MAP4K5: variants seen among roughly 807,000 people sequenced by gnomAD.
MAP4K5 encodes the protein mitogen-activated protein kinase kinase kinase kinase 5.
Under a neutral mutation model 135.6 loss-of-function variants are expected in MAP4K5, and 82 were observed. That is an observed-to-expected ratio of 0.60 (90% CI 0.51 to 0.73). The LOEUF (loss-of-function observed/expected upper bound fraction) is 0.73. MAP4K5 is among the 30% of genes least tolerant of loss of function. MAP4K5 has a pLI of 0.00. For synonymous variants in MAP4K5, 347 were observed against 335.0 expected, an observed-to-expected ratio of 1.04 and a Z score of -0.39; for missense variants, 907 against 1,010.9, an observed-to-expected ratio of 0.90 and a Z score of 1.39.
intron 28 of MAP4K5, among the ~76,000 whole-genome samples, chr14:50,430,660 C>T (rs1470182160): frequency 6.6e-6 from 1 of 152,094 alleles, no homozygotes; most frequent in African/African-American, 2.4e-5. Flanking sequence ...ATATGTTTTT[C>T]TATGAAAATA....
At chr14:50,558,668 A>G (rs1191839647) in intron 1 of MAP4K5, among the ~76,000 whole-genome samples, 2 of 152,276 alleles carry the variant, frequency 1.3e-5, no homozygotes, top group African/African-American at 4.8e-5. Flanking sequence ...TGTGTAATCT[A>G]TTGTACTCTT....
chr14:50,486,418 G>T (rs1236648582), intron 3 of MAP4K5, among the ~76,000 whole-genome samples: 2 of 151,786 alleles, frequency 1.3e-5, no homozygotes, highest in Non-Finnish European at 2.9e-5. Context: ...TTCTTAAGGA[G>T]ATATGTACAA....
intron 14 of MAP4K5, among the ~76,000 whole-genome samples, chr14:50,453,286 G>GA (rs1020397638): frequency 3.5e-5 from 5 of 144,406 alleles, no homozygotes; most frequent in South Asian, 4.5e-4. Flanking sequence ...AAAAAAAAAA[G>GA]AAAAAAAATT....
Position 50,443,667 on chromosome 14 carries a change from A to G in MAP4K5, c.1479+62T>C, listed in dbSNP as rs375489146. The G allele has an allele frequency of 5.3e-5, 73 of 1,380,538 alleles. No individual in the cohort carries two copies. In the African/African-American group the frequency reaches 6.0e-4, roughly 11 times the overall value. The allele number at this position is 1,380,538 out of a possible 1,614,324, so 85.5% of individuals were successfully genotyped here. A position where few individuals can be genotyped will look rare whatever the true frequency, so the allele number is the denominator to read the frequency against. The stretch of plus-strand genomic sequence containing the variant: ...AAAGGCTCAAGTATATTGATAGCCA[A>G]TATATTGCTGCTTCTAAAGAGAGAA... On this transcript the variant is annotated intron_variant, in intron 20 of 32. Coordinates refer to ENST00000682126, the MANE Select transcript of MAP4K5 (RefSeq NM_006575.6).
At chr14:50,542,867 C>T (rs2038583680) in intron 1 of MAP4K5, among the ~76,000 whole-genome samples, 1 of 152,146 alleles carries the variant, frequency 6.6e-6, no homozygotes, top group African/African-American at 2.4e-5. Context: ...ATCTGGTTGT[C>T]CTCTTTTTTA....
chr14:50,489,438 CCTTAT>C (rs1436193316), intron 3 of MAP4K5, among the ~76,000 whole-genome samples: 1 of 152,086 alleles, frequency 6.6e-6, no homozygotes, highest in East Asian at 1.9e-4. Flanking sequence ...CCACAGAGCC[CCTTAT>C]CTTATCTTCA....
At chr14:50,507,597 C>T (rs1056790688) in intron 2 of MAP4K5, among the ~76,000 whole-genome samples, 1 of 152,164 alleles carries the variant, frequency 6.6e-6, no homozygotes, top group Admixed American at 6.5e-5. Flanking sequence ...GCCTTCATTT[C>T]GTTATGTACC....
chr14:50,449,729 T>C (rs1349410989), intron 14 of MAP4K5: 1 of 151,988 alleles, frequency 6.6e-6, no homozygotes, highest in Non-Finnish European at 1.5e-5. Flanking sequence ...TAAAAAATAA[T>C]CTAAAATAAA....
chr14:50,446,170 C>T (rs371812711), intron 16 of MAP4K5, 49 bp from the exon 17 acceptor site: 6 of 1,149,938 alleles, frequency 5.2e-6, no homozygotes, highest in Middle Eastern at 2.2e-4. Context: ...TGACCGTAAC[C>T]GAAAACACAG....
At chr14:50,424,729 G>C (rs67225512) in intron 31 of MAP4K5, among the ~76,000 whole-genome samples, 2 of 25,478 alleles carry the variant, frequency 7.8e-5, no homozygotes, top group Non-Finnish European at 1.7e-4. Flanking sequence ...AAAAAAAAAA[G>C]AGTTAAAAAT....
chr14:50,536,456 AAT>A (rs2038494479), upstream of MAP4K5, among the ~76,000 whole-genome samples: 1 of 148,552 alleles, frequency 6.7e-6, no homozygotes, highest in African/African-American at 2.6e-5. Context: ...AAAAAAAAAA[AAT>A]TGTTACCAGT....
chr14:50,543,841 A>C (rs2038595726), intron 1 of MAP4K5, among the ~76,000 whole-genome samples: 1 of 152,118 alleles, frequency 6.6e-6, no homozygotes, highest in South Asian at 2.1e-4. Context: ...TTGTCCCTAT[A>C]GGATTGGACT....
chr14:50,432,005 G>A (rs2035982333), intron 28 of MAP4K5, among the ~76,000 whole-genome samples: 1 of 152,126 alleles, frequency 6.6e-6, no homozygotes, highest in Non-Finnish European at 1.5e-5. Flanking sequence ...GCTTATACAT[G>A]GTGAAGAATC....
chr14:50,437,485 A>G lies in MAP4K5; in HGVS notation c.1873T>C (p.Cys625Arg). ...AATACCATTTACTCACCTATGCAAC[A>G]TTTGTGGCAGCCTTTTGTATCAGGA... ...KIPDTKGCHK[C>R]CIVRNPYTGH... is the part of the protein sequence containing the mutation. The change falls in exon 26 of 33, where the codon TGT becomes CGT. Residue 625 changes from cysteine to arginine, a missense_variant. Physicochemically the swap from Cys to Arg is radical, Grantham distance 180. Around this residue, in one of 3 missense-constraint regions of MAP4K5, gnomAD observed 690 missense variants for 777.4 expected, o/e 0.89. Coordinates refer to ENST00000682126, the MANE Select transcript of MAP4K5 (RefSeq NM_006575.6). 1 of 1,601,708 alleles carries G rather than the reference A, an allele frequency of 6.2e-7. No homozygotes were observed. Among genetic ancestry groups the G allele is most frequent in the Non-Finnish European group, 8.5e-7 (1 of 1,175,340 alleles).
intron 3 of MAP4K5, among the ~76,000 whole-genome samples, chr14:50,500,044 T>G (rs567904236): frequency 6.6e-6 from 1 of 152,330 alleles, no homozygotes; most frequent in African/African-American, 2.4e-5. Flanking sequence ...GCAATCATTT[T>G]ATACCTAGTC....
At chr14:50,457,362 A>G (rs183342174) in intron 13 of MAP4K5, among the ~76,000 whole-genome samples, 7 of 152,314 alleles carry the variant, frequency 4.6e-5, no homozygotes. Flanking sequence ...TATTGGATAC[A>G]GGGAGATTGA....
At chr14:50,558,693 T>C (rs1436414417) in intron 1 of MAP4K5, among the ~76,000 whole-genome samples, 1 of 152,216 alleles carries the variant, frequency 6.6e-6, no homozygotes, top group African/African-American at 2.4e-5. Flanking sequence ...ATGGGATTCA[T>C]ATGAAAGGGA....
chr14:50,492,515 G>A (rs1410762874), intron 3 of MAP4K5, among the ~76,000 whole-genome samples: 2 of 150,784 alleles, frequency 1.3e-5, no homozygotes, highest in South Asian at 2.1e-4. Context: ...GATTACTTGA[G>A]CCCAGGAGTT....
intron 18 of MAP4K5, 61 bp downstream of exon 18, chr14:50,444,980 T>G: frequency 6.7e-7 from 1 of 1,501,038 alleles, no homozygotes; most frequent in East Asian, 2.3e-5. Flanking sequence ...TTTGATTTAT[T>G]CACCCAGATA....
Sources: allele counts gnomAD v4.1 joint callset (sites outside exome capture counted in the v4.1 genomes callset), GRCh38; gene constraint gnomAD v4.1.1; regional missense constraint gnomAD v4.1.1; transcripts MANE v1.5; gene names NCBI Gene and HGNC (gene_info 2026-07-23, HGNC 2026-07-21).